The following FSTL5 variants were observed in gnomAD, a reference collection of about 807,000 sequenced individuals.
FSTL5 encodes follistatin-related protein 5.
A neutral mutation model predicts 89.1 loss-of-function variants in FSTL5; 62 were observed. The observed-to-expected ratio is 0.70, with a 90% CI of 0.57 to 0.86. The LOEUF is 0.86. Among genes scored for constraint, FSTL5 ranks in the 40% least tolerant of loss-of-function variants. The pLI, the probability that FSTL5 is intolerant of heterozygous loss-of-function variation, is 0.00. For missense variants in FSTL5, 1,057 were observed against 1,001.6 expected (o/e 1.06, Z -0.75); for synonymous variants, 383 against 346.2 (o/e 1.11, Z -1.18).
intron 6 of FSTL5, among the ~76,000 whole-genome samples, chr4:161,688,938 T>C (rs1360007382): frequency 2.6e-5 from 4 of 152,196 alleles, no homozygotes; most frequent in Admixed American, 6.5e-5. Context: ...TGTTTCTTAC[T>C]GATTTTATTA....
chr4:161,499,093 T>C (rs764855958), intron 12 of FSTL5, among the ~76,000 whole-genome samples: 6 of 152,004 alleles, frequency 3.9e-5, no homozygotes, highest in African/African-American at 1.4e-4. Flanking sequence ...TCCCAGCTAC[T>C]TGGGAGGCTG....
At chr4:161,941,736 T>C (rs1734592363) in intron 3 of FSTL5, among the ~76,000 whole-genome samples, 3 of 152,004 alleles carry the variant, frequency 2.0e-5, no homozygotes, top group Admixed American at 2.0e-4. Flanking sequence ...TAAGCAACTA[T>C]ATAAAAAATA....
intron 5 of FSTL5, among the ~76,000 whole-genome samples, chr4:161,774,232 T>A (rs984690593): frequency 3.3e-5 from 5 of 152,098 alleles, no homozygotes; most frequent in Non-Finnish European, 5.9e-5. Flanking sequence ...GTGATTTCCC[T>A]ACAACATCAC....
intron 4 of FSTL5, among the ~76,000 whole-genome samples, chr4:161,889,887 G>T (rs182159060): frequency 6.6e-6 from 1 of 151,970 alleles, no homozygotes; most frequent in Non-Finnish European, 1.5e-5. Flanking sequence ...TCCTAAAACC[G>T]TATGGTTTAT....
intron 8 of FSTL5, among the ~76,000 whole-genome samples, chr4:161,565,017 C>A (rs76792229): frequency 0.051 from 7,809 of 151,848 alleles, 244 homozygotes; most frequent in South Asian, 0.095. Flanking sequence ...AAAACACACT[C>A]CCAAATCACT....
chr4:162,139,918 AT>A (rs1732661035), intron 1 of FSTL5, among the ~76,000 whole-genome samples: 1 of 152,138 alleles, frequency 6.6e-6, no homozygotes, highest in African/African-American at 2.4e-5. Context: ...TCAGCAAAGA[AT>A]TTGTATCAAC....
intron 2 of FSTL5, among the ~76,000 whole-genome samples, chr4:162,053,936 G>A (rs1042456014): frequency 5.7e-4 from 86 of 151,508 alleles, no homozygotes; most frequent in African/African-American, 1.9e-3. Flanking sequence ...AAACAAGAAG[G>A]GCAAATTTTC....
intron 6 of FSTL5, among the ~76,000 whole-genome samples, chr4:161,665,494 A>G (rs1579005684): frequency 6.6e-6 from 1 of 152,190 alleles, no homozygotes; most frequent in South Asian, 2.1e-4. Context: ...CGGCCTCCCA[A>G]AGTGCTGGGA....
chr4:161,703,026 A>G (rs2126731464), intron 6 of FSTL5, among the ~76,000 whole-genome samples: 1 of 152,158 alleles, frequency 6.6e-6, no homozygotes, highest in South Asian at 2.1e-4. Context: ...GGAGATTATG[A>G]CATAACAAAA....
intron 6 of FSTL5, among the ~76,000 whole-genome samples, chr4:161,721,739 G>A (rs911923796): frequency 6.6e-6 from 1 of 152,134 alleles, no homozygotes; most frequent in Non-Finnish European, 1.5e-5. Context: ...AAAATTAAGT[G>A]AGAGAAAAAA....
intron 7 of FSTL5, among the ~76,000 whole-genome samples, chr4:161,641,772 G>A (rs1404087763): frequency 6.6e-6 from 1 of 152,130 alleles, no homozygotes. Context: ...TTACAGGCAT[G>A]AGCCACCGCA....
chr4:161,835,021 C>A (rs1389465548), intron 4 of FSTL5, among the ~76,000 whole-genome samples: 2 of 145,226 alleles, frequency 1.4e-5, no homozygotes. Context: ...AAGAACAAAG[C>A]TGGAGGCATC....
intron 7 of FSTL5, among the ~76,000 whole-genome samples, chr4:161,646,282 T>C (rs1489629641): frequency 6.7e-6 from 1 of 149,404 alleles, no homozygotes; most frequent in Admixed American, 6.7e-5. Context: ...ATATTATATA[T>C]ATTTATGCAT....
chr4:161,639,179 CTTAG>C (rs1735850198), intron 7 of FSTL5, among the ~76,000 whole-genome samples: 1 of 152,018 alleles, frequency 6.6e-6, no homozygotes, highest in South Asian at 2.1e-4. Flanking sequence ...TAAATTTCCT[CTTAG>C]TTCTGAAAAA....
At chr4:161,967,469 A>G (rs920350634) in intron 3 of FSTL5, among the ~76,000 whole-genome samples, 11 of 152,030 alleles carry the variant, frequency 7.2e-5, no homozygotes, top group Admixed American at 5.2e-4. Context: ...AATAATAAGC[A>G]AAACAAAACA....
intron 2 of FSTL5, among the ~76,000 whole-genome samples, chr4:162,052,953 G>T (rs1738430208): frequency 6.6e-6 from 1 of 151,690 alleles, no homozygotes; most frequent in Non-Finnish European, 1.5e-5. Flanking sequence ...ATGAAAACAA[G>T]TCATGAAACA....
chr4:161,518,718 C>T lies in FSTL5; in HGVS notation c.1313-8294G>A, dbSNP rs374140198. On this transcript the variant is annotated intron_variant, in intron 10 of 15. Transcript: ENST00000306100. Reference sequence around the variant, plus strand: ...AAAAATAAAAAAATAAAAACAACATCCATCTTTCCTTCAAACCAAGTAAAC... The same window carrying T: ...AAAAATAAAAAAATAAAAACAACATTCATCTTTCCTTCAAACCAAGTAAAC... Among the ~76,000 whole-genome samples, 63 of 152,272 alleles carry T rather than the reference C, an allele frequency of 4.1e-4. No individual in the cohort carries two copies. The South Asian group carries it at 9.1e-3, about 22-fold the overall frequency.
intron 6 of FSTL5, among the ~76,000 whole-genome samples, chr4:161,680,624 G>C (rs1163545631): frequency 1.3e-5 from 2 of 151,096 alleles, no homozygotes; most frequent in Admixed American, 1.3e-4. Flanking sequence ...CCTTTCTTAA[G>C]AGATTAGAGT....
At chr4:161,749,685 G>A (rs543956399) in intron 6 of FSTL5, among the ~76,000 whole-genome samples, 4 of 152,040 alleles carry the variant, frequency 2.6e-5, no homozygotes, top group Admixed American at 1.3e-4. Context: ...CCAGCTACTC[G>A]GGAGGCTGAG....
Sources: gnomAD v4.1 joint callset for allele counts (sites outside exome capture counted in the v4.1 genomes callset) on GRCh38, gnomAD v4.1.1 for gene constraint, MANE v1.5 for transcripts, NCBI Gene and HGNC (gene_info 2026-07-23, HGNC 2026-07-21) for gene names.